RORA: variants seen among roughly 807,000 people sequenced by gnomAD.
RORA encodes the protein RAR related orphan receptor A.
A neutral mutation model predicts 69.5 loss-of-function variants in RORA; 7 were observed. The ratio of observed to expected loss-of-function variants is 0.10; its 90% CI spans 0.06 to 0.19. RORA has a LOEUF of 0.19. Among genes scored for constraint, RORA ranks in the 10% least tolerant of loss-of-function variants. The pLI is 1.00. For synonymous variants in RORA, 261 were observed against 240.8 expected (o/e 1.08, Z -0.78); for missense variants, 457 against 663.0 (o/e 0.69, Z 3.41).
chr15:60,516,010 TTTA>T (rs2065886129), intron 3 of RORA, among the ~76,000 whole-genome samples: 3 of 15,418 alleles, frequency 1.9e-4, no homozygotes, highest in Admixed American at 1.4e-3. Flanking sequence ...TTTATATATA[TTTA>T]TATATATTTA....
intron 2 of RORA, among the ~76,000 whole-genome samples, chr15:60,666,217 G>C (rs1346716462): frequency 6.8e-6 from 1 of 147,792 alleles, no homozygotes; most frequent in Non-Finnish European, 1.5e-5. Flanking sequence ...GTCTAGTCTA[G>C]AGTGCAGTGG....
chr15:60,657,950 C>T (rs934543294), intron 2 of RORA, among the ~76,000 whole-genome samples: 3 of 152,200 alleles, frequency 2.0e-5, no homozygotes, highest in African/African-American at 7.2e-5. Flanking sequence ...TATGTTGTCT[C>T]TTTTCTTGGC....
At chr15:61,172,349 T>C (rs1037184761) in intron 1 of RORA, among the ~76,000 whole-genome samples, 2 of 152,208 alleles carry the variant, frequency 1.3e-5, no homozygotes, top group African/African-American at 4.8e-5. Context: ...AGCTGCTACA[T>C]GAAGTATCAT....
chr15:60,573,129 A>T (rs957498025), intron 2 of RORA, among the ~76,000 whole-genome samples: 1 of 152,218 alleles, frequency 6.6e-6, no homozygotes, highest in Non-Finnish European at 1.5e-5. Context: ...TCTAGTATCA[A>T]AGACACAATC....
intron 1 of RORA, among the ~76,000 whole-genome samples, chr15:60,941,716 T>G (rs1892701456): frequency 6.6e-6 from 1 of 152,250 alleles, no homozygotes; most frequent in African/African-American, 2.4e-5. Context: ...CTCACTTTTT[T>G]ACGCAATTAT....
At chr15:60,918,007 T>C (rs1415346416) in intron 1 of RORA, among the ~76,000 whole-genome samples, 4 of 152,230 alleles carry the variant, frequency 2.6e-5, no homozygotes, top group African/African-American at 9.6e-5. Flanking sequence ...ACAGCAAACC[T>C]TGGAGAGTTT....
intron 2 of RORA, among the ~76,000 whole-genome samples, chr15:60,532,926 C>G (rs2066570132): frequency 6.6e-6 from 1 of 152,168 alleles, no homozygotes; most frequent in Non-Finnish European, 1.5e-5. Context: ...CTGTACAGCC[C>G]TTACCTAGCC....
At chr15:60,896,427 C>T (rs928971200) in intron 1 of RORA, among the ~76,000 whole-genome samples, 3 of 152,222 alleles carry the variant, frequency 2.0e-5, no homozygotes, top group Admixed American at 2.0e-4. Flanking sequence ...CTCCATTAGA[C>T]CCTTTAAAAA....
At chr15:60,614,976 G>A in intron 2 of RORA, 1 of 1,614,022 alleles carries the variant, frequency 6.2e-7, no homozygotes, top group South Asian at 1.1e-5. Flanking sequence ...CCCAGTTTAT[G>A]TGCTCAAGTT....
intron 1 of RORA, among the ~76,000 whole-genome samples, chr15:60,757,103 AATAATATATATT>A (rs2071813519): frequency 6.6e-6 from 1 of 152,204 alleles, no homozygotes; most frequent in African/African-American, 2.4e-5. Context: ...AAAATGTTCA[AATAATATATATT>A]ACTATGAAAT....
At chr15:60,846,195 T>C (rs1417404900) in intron 1 of RORA, among the ~76,000 whole-genome samples, 1 of 152,218 alleles carries the variant, frequency 6.6e-6, no homozygotes. Flanking sequence ...AAACCAAAGA[T>C]AGCAGCAATC....
intron 1 of RORA, among the ~76,000 whole-genome samples, chr15:60,896,382 T>A (rs556564988): frequency 6.6e-6 from 1 of 152,342 alleles, no homozygotes; most frequent in South Asian, 2.1e-4. Context: ...TTTACCCCCC[T>A]TGGTTATAGA....
intron 2 of RORA, among the ~76,000 whole-genome samples, chr15:60,551,713 A>G (rs374226918): frequency 1.2e-3 from 181 of 152,310 alleles, no homozygotes; most frequent in African/African-American, 4.2e-3. Flanking sequence ...CTTTTAAATC[A>G]TTCAATGCCA....
At chr15:61,007,292 G>C in intron 1 of RORA, among the ~76,000 whole-genome samples, 1 of 152,090 alleles carries the variant, frequency 6.6e-6, no homozygotes, top group East Asian at 1.9e-4. Flanking sequence ...ATGAAACTCT[G>C]TTCCCATCAC....
At chr15:60,950,572 C>G (rs1038056129) in intron 1 of RORA, among the ~76,000 whole-genome samples, 2 of 138,564 alleles carry the variant, frequency 1.4e-5, no homozygotes, top group Non-Finnish European at 3.1e-5. Context: ...CACATAGGCT[C>G]AAAATAAAAG....
intron 2 of RORA, among the ~76,000 whole-genome samples, chr15:60,635,386 C>T (rs180782171): frequency 3.4e-4 from 51 of 152,098 alleles, no homozygotes; most frequent in Middle Eastern, 3.4e-3. Context: ...GAACTAAATG[C>T]AAAGATAATT....
At chr15:60,951,174 T>A (rs1893081296) in intron 1 of RORA, among the ~76,000 whole-genome samples, 1 of 152,122 alleles carries the variant, frequency 6.6e-6, no homozygotes, top group Admixed American at 6.5e-5. Context: ...CTGAACAACC[T>A]GCTCCTGAAT....
At chr15:60,982,383 T>C (rs1208324726) in intron 1 of RORA, among the ~76,000 whole-genome samples, 1 of 152,238 alleles carries the variant, frequency 6.6e-6, no homozygotes, top group African/African-American at 2.4e-5. Flanking sequence ...CAGCATGTCA[T>C]TCCCTAGACT....
chr15:61,054,826 G>GTTTTTTTT (rs66846535), intron 1 of RORA, among the ~76,000 whole-genome samples: 1 of 134,640 alleles, frequency 7.4e-6, no homozygotes. Context: ...TTTGTTTTTT[G>GTTTTTTTT]TTTTTTTTTT....
Sources: gnomAD v4.1 joint callset for allele counts (sites outside exome capture counted in the v4.1 genomes callset) on GRCh38, gnomAD v4.1.1 for gene constraint, MANE v1.5 for transcripts, NCBI Gene and HGNC (gene_info 2026-07-23, HGNC 2026-07-21) for gene names.